The following FOSL2 variants were observed in gnomAD, a reference collection of about 807,000 sequenced individuals.
The protein encoded by FOSL2 is fos-related antigen 2.
In FOSL2, 3 loss-of-function variants were observed where a neutral mutation model predicts 27.7. That is an observed-to-expected ratio of 0.11 (90% CI 0.05 to 0.28). The LOEUF is 0.28. Among genes scored for constraint, FOSL2 ranks in the 10% least tolerant of loss-of-function variants. The pLI is 1.00. For missense variants in FOSL2, 333 were observed against 445.1 expected (o/e 0.75, Z 2.27); for synonymous variants, 179 against 190.1 (o/e 0.94, Z 0.48).
chr2:28,404,389 G>A lies in FOSL2; in HGVS notation c.354+31G>A, dbSNP rs569661963. On this transcript the variant is annotated intron_variant, in intron 2 of 3. Transcript: ENST00000264716. This position sits in a 1 kb window ranked among gnomAD's most constrained non-coding sequence, Gnocchi z 4.7. ...GCTCAGACCAGTGGGAAGGAGCCAC[G>A]TCAGTGGCTTTCAGAGCCCCAGAAA... The A allele has an allele frequency of 5.2e-5, 82 of 1,588,900 alleles. No individual in the cohort carries two copies. The highest frequency in any genetic ancestry group is 6.7e-5 in the East Asian group (3 of 44,514).
In FOSL2 at chr2:28,404,498, A is replaced by G; in HGVS notation, c.354+140A>G. 4 of 1,084,608 alleles carry G rather than the reference A, an allele frequency of 3.7e-6. No individual in the cohort carries two copies. The highest frequency in any genetic ancestry group is 3.9e-6 in the Non-Finnish European group (3 of 765,876). 67.2% of individuals were successfully genotyped at this position (1,084,608 alleles called of 1,614,324 possible). A position where few individuals can be genotyped will look rare whatever the true frequency, so the allele number is the denominator to read the frequency against. ...GGAGCTAGGGGTCGAAGAGCACGTC[A>G]TCCCCCTTACTGGAGGCCGAGCTGG... On this transcript the variant is annotated intron_variant, in intron 2 of 3. Transcript: ENST00000264716. This position sits in a 1 kb window ranked among gnomAD's most constrained non-coding sequence, Gnocchi z 4.7.
Position 28,412,443 on chromosome 2 carries a change from C to G in FOSL2, c.976C>G (p.Leu326Val). The part of the protein sequence containing the change: ...DSLNSPTLLA[L>V] Reference sequence around the variant, plus strand: ...CTTGAACTCCCCCACTCTGCTGGCTCTGTAACCCAGTGCACCTCCCTCCCC... The same window carrying G: ...CTTGAACTCCCCCACTCTGCTGGCTGTGTAACCCAGTGCACCTCCCTCCCC... Residue 326 changes from leucine to valine, a missense_variant, in exon 4 of 4, where the codon CTG becomes GTG. Around this residue, in one of 4 missense-constraint regions of FOSL2, gnomAD observed 26 missense variants for 59.3 expected, o/e 0.44. Transcript: ENST00000264716. This position sits in a 1 kb window ranked among gnomAD's most constrained non-coding sequence, Gnocchi z 7.1. The G allele has an allele frequency of 6.3e-7, 1 of 1,598,584 alleles. No individual in the cohort carries two copies. Among genetic ancestry groups the G allele is most frequent in the Non-Finnish European group, 8.5e-7 (1 of 1,178,766 alleles).
In FOSL2 at chr2:28,412,547, G is replaced by T; in HGVS notation, c.*99G>T. ...GCGCTCCAGGGCCGTGAGGGCAAGAGGGGGACCTGCCACCAGGGAGCTTCC... is the reference window on the plus strand; with the variant it reads ...GCGCTCCAGGGCCGTGAGGGCAAGATGGGGACCTGCCACCAGGGAGCTTCC... On this transcript the variant is annotated 3_prime_UTR_variant, in exon 4 of 4. Transcript: ENST00000264716. The surrounding 1 kb of genome is among the most constrained non-coding windows in gnomAD (Gnocchi z 7.1). 1 of 1,399,024 alleles carries T rather than the reference G, an allele frequency of 7.1e-7. No individual in the cohort carries two copies. The highest frequency in any genetic ancestry group is 1.3e-5 in the South Asian group (1 of 74,126). The allele number at this position is 1,399,024 out of a possible 1,614,324, so 86.7% of individuals were successfully genotyped here.
Position 28,412,304 on chromosome 2 carries a change from C to A in FOSL2, c.837C>A (p.Asn279Lys), listed in dbSNP as rs144151205. Reference protein sequence around the residue: ...STPAVTPGTSNLVFTYPSVLE... With the variant: ...STPAVTPGTSKLVFTYPSVLE... ...CTGCTGTCACTCCGGGCACCTCGAA[C>A]CTCGTCTTCACCTATCCTAGCGTCC... Residue 279 changes from asparagine to lysine, a missense_variant, in exon 4 of 4, where the codon AAC becomes AAA. This residue lies in a region of FOSL2 where 136 missense variants were observed against 123.7 expected (regional missense o/e 1.10). Transcript: ENST00000264716. The surrounding 1 kb of genome is among the most constrained non-coding windows in gnomAD (Gnocchi z 7.1). 2 of 1,614,022 alleles carry A rather than the reference C, an allele frequency of 1.2e-6. No homozygotes were observed. Among genetic ancestry groups the A allele is most frequent in the Non-Finnish European group, 8.5e-7 (1 of 1,180,030 alleles).
chr2:28,406,188 A>AG (rs980615549), intron 2 of FOSL2, among the ~76,000 whole-genome samples: 19 of 151,680 alleles, frequency 1.3e-4, no homozygotes, highest in African/African-American at 4.4e-4. Flanking sequence ...CCTCCTGAGT[A>AG]GCTGGGATTA....
chr2:28,415,623 T>C lies in FOSL2; in HGVS notation c.*3175T>C, dbSNP rs895617986. Reference sequence around the variant, plus strand: ...CAACAGTGCAAATGCAATCTCGCCATTTAACTTTCAGGTCGATTTCCTTTC... The same window carrying C: ...CAACAGTGCAAATGCAATCTCGCCACTTAACTTTCAGGTCGATTTCCTTTC... On this transcript the variant is annotated 3_prime_UTR_variant, in exon 4 of 4. Transcript: ENST00000264716. The C allele has an allele frequency of 2.0e-5, 3 of 152,258 alleles. No individual in the cohort carries two copies. The highest frequency in any genetic ancestry group is 4.8e-5 in the African/African-American group (2 of 41,478). 9.4% of individuals were successfully genotyped at this position (152,258 alleles called of 1,614,324 possible). A position where few individuals can be genotyped will look rare whatever the true frequency, so the allele number is the denominator to read the frequency against.
chr2:28,405,971 C>T (rs1422282110), intron 2 of FOSL2, among the ~76,000 whole-genome samples: 1 of 151,948 alleles, frequency 6.6e-6, no homozygotes, highest in Non-Finnish European at 1.5e-5. Flanking sequence ...TGAGTGAGAG[C>T]CAGGCTTGCC....
intron 1 of FOSL2, among the ~76,000 whole-genome samples, chr2:28,401,302 G>A (rs1324711424): frequency 6.6e-6 from 1 of 151,896 alleles, no homozygotes; most frequent in South Asian, 2.1e-4. Context: ...GTCTAATGGC[G>A]AGGCTCTGAC....
In FOSL2 at chr2:28,408,726, G is replaced by C. The variant is rs768943538; in HGVS notation, c.355-33G>C. 1.0e-5 allele frequency: 15 copies of C among 1,501,514 alleles called. No homozygotes were observed. The highest frequency in any genetic ancestry group is 2.8e-5 in the African/African-American group (2 of 71,684). 93.0% of individuals were successfully genotyped at this position (1,501,514 alleles called of 1,614,324 possible). A position where few individuals can be genotyped will look rare whatever the true frequency, so the allele number is the denominator to read the frequency against. Reference sequence around the variant, plus strand: ...AAAAATACTGTGAACCATTGTCTCTGTTCTAACCATGATCCTTGGCTTTGG... The same window carrying C: ...AAAAATACTGTGAACCATTGTCTCTCTTCTAACCATGATCCTTGGCTTTGG... On this transcript the variant is annotated intron_variant, in intron 2 of 3. Coordinates refer to ENST00000264716, the MANE Select transcript of FOSL2 (RefSeq NM_005253.4). The surrounding 1 kb of genome is among the most constrained non-coding windows in gnomAD (Gnocchi z 4.1).
chr2:28,402,118 A>G (rs1484098410), intron 1 of FOSL2, among the ~76,000 whole-genome samples: 1 of 152,118 alleles, frequency 6.6e-6, no homozygotes, highest in Admixed American at 6.6e-5. Flanking sequence ...GTGCTGGGTA[A>G]CTTTCCTCCA....
At chr2:28,402,192 T>C (rs1363827412) in intron 1 of FOSL2, among the ~76,000 whole-genome samples, 18 of 152,158 alleles carry the variant, frequency 1.2e-4, no homozygotes. Flanking sequence ...TTGCAATGGG[T>C]AACTTTCCTC....
chr2:28,402,833 A>G (rs1360066682), intron 1 of FOSL2, among the ~76,000 whole-genome samples: 2 of 152,212 alleles, frequency 1.3e-5, no homozygotes, highest in Non-Finnish European at 2.9e-5. Flanking sequence ...CCCGCTGCTT[A>G]TTAGCAATGT....
At chr2:28,407,449 A>G (rs1239111735) in intron 2 of FOSL2, among the ~76,000 whole-genome samples, 5 of 152,224 alleles carry the variant, frequency 3.3e-5, no homozygotes, top group Non-Finnish European at 7.3e-5. Flanking sequence ...TGTTCAAAAC[A>G]TCACAGCAAC....
At position 28,414,082 on chromosome 2, in the gene FOSL2, A is replaced by G. The variant is rs2148104087; in HGVS notation, c.*1634A>G. The G allele has an allele frequency of 5.4e-6, 2 of 371,660 alleles. No individual in the cohort carries two copies. The highest frequency in any genetic ancestry group is 7.7e-5 in the East Asian group (2 of 26,012). 23.0% of individuals were successfully genotyped at this position (371,660 alleles called of 1,614,324 possible). On this transcript the variant is annotated 3_prime_UTR_variant, in exon 4 of 4. Coordinates refer to ENST00000264716, the MANE Select transcript of FOSL2 (RefSeq NM_005253.4). Reference sequence around the variant, plus strand: ...GGAATCCAGGGAGTAGCTCCTGGCCAGAACCAGCCTCTGCGGGGCTTGTGC... The same window carrying G: ...GGAATCCAGGGAGTAGCTCCTGGCCGGAACCAGCCTCTGCGGGGCTTGTGC...
intron 3 of FOSL2, chr2:28,410,441 C>G (rs1348737770): frequency 2.9e-6 from 2 of 687,240 alleles, no homozygotes; most frequent in East Asian, 1.3e-4. Flanking sequence ...TCTGACCCAG[C>G]CACCCAGGCC....
chr2:28,404,366 T>C lies in FOSL2; in HGVS notation c.354+8T>C. On this transcript the variant is annotated splice_region_variant and intron_variant, in intron 2 of 3. Transcript: ENST00000264716. This position sits in a 1 kb window ranked among gnomAD's most constrained non-coding sequence, Gnocchi z 4.7. ...AGGAGGAGAGATGAGCAGGTACAGCTCAGACCAGTGGGAAGGAGCCACGTC... is the reference window on the plus strand; with the variant it reads ...AGGAGGAGAGATGAGCAGGTACAGCCCAGACCAGTGGGAAGGAGCCACGTC... The C allele has an allele frequency of 6.2e-7, 1 of 1,610,468 alleles. No homozygotes were observed. Among genetic ancestry groups the C allele is most frequent in the Non-Finnish European group, 8.5e-7 (1 of 1,177,462 alleles).
chr2:28,404,388 C>T lies in FOSL2; in HGVS notation c.354+30C>T, dbSNP rs895310339. 2.4e-5 allele frequency: 38 copies of T among 1,589,306 alleles called. No individual in the cohort carries two copies. The highest frequency in any genetic ancestry group is 4.5e-5 in the East Asian group (2 of 44,528). ...AGCTCAGACCAGTGGGAAGGAGCCA[C>T]GTCAGTGGCTTTCAGAGCCCCAGAA... On this transcript the variant is annotated intron_variant, in intron 2 of 3. Transcript: ENST00000264716. The surrounding 1 kb of genome is among the most constrained non-coding windows in gnomAD (Gnocchi z 4.7).
chr2:28,399,909 G>A (rs1286603690), intron 1 of FOSL2, among the ~76,000 whole-genome samples: 2 of 152,142 alleles, frequency 1.3e-5, no homozygotes, highest in African/African-American at 2.4e-5. Flanking sequence ...AGCCAAGACC[G>A]TATAGCCCAC....
intron 2 of FOSL2, among the ~76,000 whole-genome samples, chr2:28,406,821 C>T (rs1476299640): frequency 6.6e-6 from 1 of 152,208 alleles, no homozygotes; most frequent in East Asian, 1.9e-4. Flanking sequence ...CCCCCAGCCT[C>T]CCTGCTAGGG....
Sources: gnomAD v4.1 joint callset for allele counts (sites outside exome capture counted in the v4.1 genomes callset) on GRCh38, gnomAD v4.1.1 for gene constraint, gnomAD v4.1.1 regional missense constraint, Gnocchi (gnomAD v3.1) non-coding constraint, MANE v1.5 for transcripts, NCBI Gene and HGNC (gene_info 2026-07-23, HGNC 2026-07-21) for gene names.